IFI16: variants seen among roughly 807,000 people sequenced by gnomAD.
IFI16 encodes the protein gamma-interferon-inducible protein 16.
A neutral mutation model predicts 68.4 loss-of-function variants in IFI16; 49 were observed. That is an observed-to-expected ratio of 0.72 (90% CI 0.57 to 0.91). The LOEUF (loss-of-function observed/expected upper bound fraction) is 0.91, where lower values mean the gene tolerates loss of function less well. Among genes scored for constraint, IFI16 ranks in the 40% least tolerant of loss-of-function variants. The pLI is 0.00. For synonymous variants in IFI16, 307 were observed against 315.0 expected, an observed-to-expected ratio of 0.97 and a Z score of 0.27; for missense variants, 878 against 942.9, an observed-to-expected ratio of 0.93 and a Z score of 0.90.
intron 7 of IFI16, among the ~76,000 whole-genome samples, chr1:159,042,614 A>G (rs1654725331): frequency 6.6e-6 from 1 of 152,156 alleles, no homozygotes; most frequent in Non-Finnish European, 1.5e-5. Flanking sequence ...AGTTCTCACT[A>G]ATACCCTCCT....
chr1:159,016,386 C>G, intron 3 of IFI16, 147 bp from the exon 4 acceptor site: 1 of 667,316 alleles, frequency 1.5e-6, no homozygotes, highest in Non-Finnish European at 2.5e-6. Flanking sequence ...ATGCCCATCT[C>G]TTAAACTGGC....
intron 6 of IFI16, among the ~76,000 whole-genome samples, chr1:159,029,568 C>T (rs755147884): frequency 2.6e-5 from 4 of 152,126 alleles, no homozygotes; most frequent in Admixed American, 2.0e-4. Flanking sequence ...CTCAATTAAT[C>T]CCTCAAATAT....
chr1:159,023,458 A>G (rs1270682166), intron 6 of IFI16, among the ~76,000 whole-genome samples: 2 of 152,174 alleles, frequency 1.3e-5, no homozygotes, highest in East Asian at 3.9e-4. Flanking sequence ...CTTAAAAAAA[A>G]TTTATAGTTA....
intron 7 of IFI16, among the ~76,000 whole-genome samples, chr1:159,038,352 AAT>A (rs2101890231): frequency 6.6e-6 from 1 of 152,206 alleles, no homozygotes; most frequent in African/African-American, 2.4e-5. Flanking sequence ...AGACCAGAGA[AAT>A]ATATTTTATA....
At chr1:159,028,461 G>A (rs12094545) in intron 6 of IFI16, among the ~76,000 whole-genome samples, 42,961 of 151,848 alleles carry the variant, frequency 0.28, 8,169 homozygotes, top group African/African-American at 0.54. Flanking sequence ...AATGTTCCAT[G>A]TGCTGATGAA....
chr1:159,020,592 C>A, intron 6 of IFI16, 63 bp downstream of exon 6: 5 of 1,281,244 alleles, frequency 3.9e-6, no homozygotes, highest in South Asian at 1.4e-5. Flanking sequence ...TAAGTTTTGG[C>A]AAAAACAAGT....
Position 159,045,439 on chromosome 1 carries a change from C to T in IFI16, c.1472C>T (p.Thr491Ile), listed in dbSNP as rs761784276. The T allele has an allele frequency of 3.8e-6, 6 of 1,592,718 alleles. 1 individual carries two copies. Among genetic ancestry groups the T allele is most frequent in the Non-Finnish European group, 5.1e-6 (6 of 1,168,140 alleles). ...CACACTCCTCAGATGCCTCCATCAA[C>T]ACCAAGCAGCAGTTTCTTAACCACG... ...HPHTPQMPPS[T>I]PSSSFLTTKS... is the part of the protein sequence containing the mutation. Residue 491 changes from threonine to isoleucine, a missense_variant, in exon 8 of 12, where the codon ACA (threonine) becomes ATA (isoleucine). This residue lies in a region of IFI16 where 59 missense variants were observed against 119.0 expected (regional missense o/e 0.50). Coordinates refer to ENST00000295809, the MANE Select transcript of IFI16 (RefSeq NM_001376587.1).
At chr1:159,054,739 A>G in intron 11 of IFI16, 82 bp from the exon 12 acceptor site, 1 of 675,304 alleles carries the variant, frequency 1.5e-6, no homozygotes, top group Non-Finnish European at 2.7e-6. Flanking sequence ...GTGCAGGGGG[A>G]GGAGATACAG....
At chr1:159,031,173 C>T (rs1571864037) in intron 6 of IFI16, among the ~76,000 whole-genome samples, 1 of 149,922 alleles carries the variant, frequency 6.7e-6, no homozygotes, top group African/African-American at 2.5e-5. Flanking sequence ...GCCAGTCTCA[C>T]TCCCACCATC....
chr1:159,022,883 C>T (rs1474859804), intron 6 of IFI16, among the ~76,000 whole-genome samples: 1 of 152,030 alleles, frequency 6.6e-6, no homozygotes, highest in Admixed American at 6.5e-5. Context: ...TACAATTTCC[C>T]CTCATTTCAT....
chr1:159,021,728 G>C (rs1653328909), intron 6 of IFI16, among the ~76,000 whole-genome samples: 1 of 152,128 alleles, frequency 6.6e-6, no homozygotes, highest in Non-Finnish European at 1.5e-5. Context: ...CAGCGGTGTA[G>C]AAGTGTTCCT....
chr1:159,020,641 GA>G (rs1653253199), intron 6 of IFI16, 112 bp downstream of exon 6: 1 of 637,944 alleles, frequency 1.6e-6, no homozygotes, highest in African/African-American at 1.9e-5. Flanking sequence ...GGAGGCATGA[GA>G]AAACAGATAT....
chr1:159,006,611 G>T (rs1159951940), upstream of IFI16, among the ~76,000 whole-genome samples: 1 of 152,118 alleles, frequency 6.6e-6, no homozygotes, highest in Non-Finnish European at 1.5e-5. Flanking sequence ...GGGGTCAATT[G>T]GAGTTTGTCC....
Position 159,052,127 on chromosome 1 carries a change from T to C in IFI16, c.2085+29T>C, listed in dbSNP as rs765664723. ...AGCCCACACCATTGTTTTATAAAATTTCTCCTGCAACCTCCAATTTTTAAA... is the reference window on the plus strand; with the variant it reads ...AGCCCACACCATTGTTTTATAAAATCTCTCCTGCAACCTCCAATTTTTAAA... On this transcript the variant is annotated intron_variant, in intron 10 of 11. Transcript: ENST00000295809. 4 of 1,552,866 alleles carry C rather than the reference T, an allele frequency of 2.6e-6. No individual in the cohort carries two copies. The Admixed American group carries it at 7.5e-5, about 29-fold the overall frequency.
intron 7 of IFI16, among the ~76,000 whole-genome samples, chr1:159,034,009 G>A (rs1654167130): frequency 6.6e-6 from 1 of 152,126 alleles, no homozygotes. Context: ...CTTGCCCTTG[G>A]TAAAGAGTAT....
chr1:159,014,174 A>C (rs1652771723), intron 1 of IFI16, among the ~76,000 whole-genome samples: 1 of 152,176 alleles, frequency 6.6e-6, no homozygotes, highest in Non-Finnish European at 1.5e-5. Flanking sequence ...GTCAAGGAGA[A>C]TAGGGTCAGT....
chr1:159,038,240 C>T (rs1371541841), intron 7 of IFI16, among the ~76,000 whole-genome samples: 2 of 152,048 alleles, frequency 1.3e-5, no homozygotes, highest in Admixed American at 6.6e-5. Context: ...TTTTCATAAT[C>T]CAGATGCCAC....
chr1:159,029,086 T>G (rs1462572921), intron 6 of IFI16, among the ~76,000 whole-genome samples: 1 of 152,222 alleles, frequency 6.6e-6, no homozygotes, highest in African/African-American at 2.4e-5. Context: ...TTATAAGTCC[T>G]ATGAGATTTA....
At chr1:159,049,199 C>A (rs1456248010) in intron 8 of IFI16, among the ~76,000 whole-genome samples, 1 of 149,052 alleles carries the variant, frequency 6.7e-6, no homozygotes, top group East Asian at 1.9e-4. Flanking sequence ...GTATTCCATC[C>A]CCAGACAATG....
Sources: allele counts gnomAD v4.1 joint callset (sites outside exome capture counted in the v4.1 genomes callset), GRCh38; gene constraint gnomAD v4.1.1; regional missense constraint gnomAD v4.1.1; transcripts MANE v1.5; gene names NCBI Gene and HGNC (gene_info 2026-07-23, HGNC 2026-07-21).